DMD: variants seen among roughly 807,000 people sequenced by gnomAD.
DMD encodes mutant dystrophin.
A neutral mutation model predicts 330.1 loss-of-function variants in DMD; 63 were observed. The observed-to-expected ratio is 0.19, with a 90% CI of 0.16 to 0.24. The LOEUF is 0.24. DMD is among the 10% of genes least tolerant of loss of function. The pLI, the probability that DMD is intolerant of heterozygous loss-of-function variation, is 1.00. For missense variants in DMD, 3,344 were observed against 2,684.1 expected (o/e 1.25, Z -5.43); for synonymous variants, 1,223 against 959.8 (o/e 1.27, Z -5.07).
intron 41 of DMD, among the ~76,000 whole-genome samples, chrX:32,314,222 G>C (rs1161207409): frequency 9.0e-6 from 1 of 111,520 alleles, no homozygotes; most frequent in African/African-American, 3.3e-5. Flanking sequence ...GAACAGAACA[G>C]AGGCCTCAGA....
At chrX:31,750,529 G>C (rs1241556529) in intron 51 of DMD, among the ~76,000 whole-genome samples, 1 of 111,220 alleles carries the variant, frequency 9.0e-6, no homozygotes, top group Admixed American at 9.6e-5. Context: ...CCAGTACCAT[G>C]CTGTTTTGGT....
intron 29 of DMD, among the ~76,000 whole-genome samples, chrX:32,431,019 C>T (rs1235041207): frequency 8.9e-6 from 1 of 111,964 alleles, no homozygotes; most frequent in Non-Finnish European, 1.9e-5. Context: ...CTGCAATAAA[C>T]AATAGAGTGC....
At chrX:31,722,922 C>A (rs1448940819) in intron 52 of DMD, among the ~76,000 whole-genome samples, 1 of 110,083 alleles carries the variant, frequency 9.1e-6, no homozygotes, top group Non-Finnish European at 1.9e-5. Context: ...ATGGTGGGAG[C>A]CTGTAATGCC....
chrX:32,845,286 T>C (rs1460264549), intron 3 of DMD, among the ~76,000 whole-genome samples: 3 of 111,851 alleles, frequency 2.7e-5, no homozygotes, highest in African/African-American at 9.7e-5. Context: ...AAGGAAACCT[T>C]TTCTGTGAAG....
chrX:31,183,639 A>T (rs371256232), intron 67 of DMD, among the ~76,000 whole-genome samples: 1 of 111,688 alleles, frequency 9.0e-6, no homozygotes, highest in East Asian at 2.8e-4. Context: ...TATATTCATG[A>T]ATTTTAATTA....
chrX:31,335,119 A>C (rs1010722557), intron 61 of DMD, among the ~76,000 whole-genome samples: 7 of 112,269 alleles, frequency 6.2e-5, no homozygotes, highest in Non-Finnish European at 1.3e-4. Flanking sequence ...TCTCTTGTTA[A>C]AATGTAAGCT....
intron 55 of DMD, among the ~76,000 whole-genome samples, chrX:31,566,663 A>T (rs951721195): frequency 8.9e-6 from 1 of 111,817 alleles, no homozygotes; most frequent in African/African-American, 3.2e-5. Flanking sequence ...TAGAAACTAA[A>T]TTAAACCTTT....
intron 44 of DMD, among the ~76,000 whole-genome samples, chrX:32,139,482 C>G (rs1012139874): frequency 8.9e-6 from 1 of 112,122 alleles, no homozygotes; most frequent in Non-Finnish European, 1.9e-5. Context: ...AAAAATAATC[C>G]TTTAAGTTAC....
chrX:32,496,991 A>C (rs1274381194), intron 19 of DMD, among the ~76,000 whole-genome samples: 1 of 111,972 alleles, frequency 8.9e-6, no homozygotes, highest in Non-Finnish European at 1.9e-5. Context: ...TATTTGCAAT[A>C]TGTCTTGCCA....
At chrX:32,506,223 A>G (rs768606246) in intron 18 of DMD, among the ~76,000 whole-genome samples, 1 of 111,360 alleles carries the variant, frequency 9.0e-6, no homozygotes, top group East Asian at 2.8e-4. Context: ...TGAAACAAAT[A>G]TACCACTCTA....
At chrX:33,231,192 T>C (rs1431193558) in intron 1 of DMD, among the ~76,000 whole-genome samples, 1 of 111,580 alleles carries the variant, frequency 9.0e-6, no homozygotes, top group Non-Finnish European at 1.9e-5. Flanking sequence ...CAAGCAATCA[T>C]ATGTACAACT....
chrX:31,333,403 C>T (rs758545889), intron 61 of DMD, among the ~76,000 whole-genome samples: 37 of 95,122 alleles, frequency 3.9e-4, no homozygotes, highest in Non-Finnish European at 6.7e-4. Context: ...CTTGCTGCCC[C>T]CGCCTTTTTT....
chrX:31,490,528 C>G lies in DMD; in HGVS notation c.8547+6260G>C, dbSNP rs903311060. Among the ~76,000 whole-genome samples the G allele has an allele frequency of 1.8e-5, 2 of 111,063 alleles. No individual in the cohort carries two copies. The highest frequency in any genetic ancestry group is 1.9e-4 in the Admixed American group (2 of 10,495). On this transcript the variant is annotated intron_variant, in intron 57 of 78. Transcript: ENST00000357033. ...CCGAGATCGCACCGCTGCACTCCAG[C>G]CTGGGCTGCAGGCGAGACTCCATCT...
At chrX:31,825,505 A>G (rs1010111001) in intron 49 of DMD, among the ~76,000 whole-genome samples, 2 of 111,653 alleles carry the variant, frequency 1.8e-5, no homozygotes, top group Non-Finnish European at 3.8e-5. Context: ...TGCTGTTTCT[A>G]TGTTTCTACC....
intron 34 of DMD, among the ~76,000 whole-genome samples, chrX:32,372,749 C>T (rs954457215): frequency 9.0e-6 from 1 of 111,349 alleles, no homozygotes; most frequent in Non-Finnish European, 1.9e-5. Context: ...TAGGAAGTTG[C>T]AATTAGCATT....
At chrX:31,511,312 T>TA (rs1165054229) in intron 55 of DMD, among the ~76,000 whole-genome samples, 1 of 100,099 alleles carries the variant, frequency 1.0e-5, no homozygotes, top group Non-Finnish European at 2.0e-5. Flanking sequence ...ACTCATCATT[T>TA]TTTATTTATT....
chrX:32,816,763 G>T lies in DMD; in HGVS notation c.358-123C>A, dbSNP rs2077796748. 8.0e-6 allele frequency: 5 copies of T among 626,461 alleles called. No homozygotes were observed. In the Admixed American group the frequency reaches 1.3e-4, roughly 17 times the overall value. The allele number at this position is 626,461 out of a possible 1,213,427, so 51.6% of individuals were successfully genotyped here. A position where few individuals can be genotyped will look rare whatever the true frequency, so the allele number is the denominator to read the frequency against. On this transcript the variant is annotated intron_variant, in intron 5 of 78. Transcript: ENST00000357033. ...AAATTTTAGGGCCAATTAGTAATGA[G>T]ACATAATAGATTCTACCAGAAGTTA...
At chrX:32,379,148 G>T (rs1424214485) in intron 34 of DMD, among the ~76,000 whole-genome samples, 2 of 109,070 alleles carry the variant, frequency 1.8e-5, no homozygotes, top group Non-Finnish European at 3.8e-5. Flanking sequence ...AAAAGATCTA[G>T]ATAGAGTGAT....
intron 18 of DMD, among the ~76,000 whole-genome samples, chrX:32,504,620 C>T (rs773881731): frequency 4.5e-5 from 5 of 111,422 alleles, no homozygotes; most frequent in Admixed American, 9.5e-5. Context: ...GAGTAAGACT[C>T]TGTCTCAAAA....
Sources: gnomAD v4.1 joint callset for allele counts (sites outside exome capture counted in the v4.1 genomes callset) on GRCh38, gnomAD v4.1.1 for gene constraint, MANE v1.5 for transcripts, NCBI Gene and HGNC (gene_info 2026-07-23, HGNC 2026-07-21) for gene names.